The following RAI2 variants were observed in gnomAD, a reference collection of about 807,000 sequenced individuals.
The protein encoded by RAI2 is retinoic acid induced 2.
RAI2 carries 5 observed loss-of-function variants against 15.3 expected under a neutral mutation model. That is an observed-to-expected ratio of 0.33 (90% CI 0.17 to 0.69). The LOEUF (loss-of-function observed/expected upper bound fraction) is 0.69. RAI2 is among the 30% of genes least tolerant of loss of function. The probability of loss-of-function intolerance (pLI) is 0.69; values close to 1 mark genes in which losing one functional copy is unlikely to be tolerated. For synonymous variants in RAI2, 191 were observed against 184.0 expected, an observed-to-expected ratio of 1.04 and a Z score of -0.31; for missense variants, 424 against 424.7, an observed-to-expected ratio of 1.00 and a Z score of 0.01.
intron 1 of RAI2, among the ~76,000 whole-genome samples, chrX:17,829,240 G>C (rs759875883): frequency 2.0e-5 from 2 of 101,255 alleles, no homozygotes; most frequent in Admixed American, 1.1e-4. Flanking sequence ...AGAGTCAAAG[G>C]CATGTGCTGA....
intron 1 of RAI2, among the ~76,000 whole-genome samples, chrX:17,823,282 G>C (rs1158386450): frequency 8.9e-6 from 1 of 112,441 alleles, no homozygotes; most frequent in Non-Finnish European, 1.9e-5. Flanking sequence ...GTAGGGGTTA[G>C]CTATTGTTAT....
chrX:17,800,326 A>T lies in RAI2; in HGVS notation c.*92T>A. On this transcript the variant is annotated 3_prime_UTR_variant, in exon 2 of 2. Coordinates refer to ENST00000451717, the MANE Select transcript of RAI2 (RefSeq NM_021785.6). ...CATTTCCCAACTACTCCCCAAAATA[A>T]TTAACAAAGATAATTTGTTTTAAAT... The T allele has an allele frequency of 9.3e-7, 1 of 1,072,573 alleles. No homozygotes were observed. Among genetic ancestry groups the T allele is most frequent in the Admixed American group, 3.2e-5 (1 of 31,510 alleles). The allele number at this position is 1,072,573 out of a possible 1,213,427, so 88.4% of individuals were successfully genotyped here.
chrX:17,842,746 C>T (rs2067414072), intron 1 of RAI2, among the ~76,000 whole-genome samples: 1 of 109,819 alleles, frequency 9.1e-6, no homozygotes, highest in Non-Finnish European at 1.9e-5. Flanking sequence ...GATATTTATT[C>T]TCTTCTTGCT....
At chrX:17,856,128 AT>A (rs1173527112) in intron 1 of RAI2, among the ~76,000 whole-genome samples, 2 of 112,294 alleles carry the variant, frequency 1.8e-5, no homozygotes, top group Admixed American at 1.9e-4. Context: ...GTTCTCTAGA[AT>A]TACTGAGTTG....
intron 1 of RAI2, among the ~76,000 whole-genome samples, chrX:17,819,970 G>GA (rs1330017598): frequency 8.9e-6 from 1 of 112,252 alleles, no homozygotes; most frequent in Non-Finnish European, 1.9e-5. Context: ...CTTGATTCAA[G>GA]AAAAGAGATA....
chrX:17,859,356 C>A (rs776170485), intron 1 of RAI2, among the ~76,000 whole-genome samples: 2 of 111,997 alleles, frequency 1.8e-5, no homozygotes, highest in African/African-American at 6.5e-5. Flanking sequence ...GCACAGAAAA[C>A]CTTGCCTGAT....
At position 17,800,137 on chromosome X, in the gene RAI2, G is replaced by GC. The variant is rs1385200077; in HGVS notation, c.*280dup. On this transcript the variant is annotated 3_prime_UTR_variant, in exon 2 of 2. Transcript: ENST00000451717. ...AAAGCACTTTGTGGCAATGAAAATA[G>GC]CTTTTTTTACCCCTCTAATTCACCC... The GC allele has an allele frequency of 3.6e-6, 1 of 277,644 alleles. No homozygotes were observed. The highest frequency in any genetic ancestry group is 5.8e-5 in the East Asian group (1 of 17,293). The allele number at this position is 277,644 out of a possible 1,213,427, so 22.9% of individuals were successfully genotyped here. A position where few individuals can be genotyped will look rare whatever the true frequency, so the allele number is the denominator to read the frequency against.
intron 1 of RAI2, 140 bp from the exon 2 acceptor site, chrX:17,802,174 G>C: frequency 1.3e-6 from 1 of 750,348 alleles, no homozygotes; most frequent in Non-Finnish European, 1.9e-6. Context: ...ATATGTTCAG[G>C]TTATAGATAT....
intron 1 of RAI2, among the ~76,000 whole-genome samples, chrX:17,843,540 T>C (rs1197755131): frequency 1.8e-5 from 2 of 112,135 alleles, no homozygotes; most frequent in Non-Finnish European, 1.9e-5. Flanking sequence ...TAAAAGTATT[T>C]TCCATGTTCT....
Position 17,810,605 on chromosome X carries a change from C to T in RAI2, c.-24-8571G>A, listed in dbSNP as rs2067037363. ...TGGTGCCTGCTGGGGAGGAGTCAAACCTAGCCTCCCAGGAGCTGCCGGAGG... is the reference window on the plus strand; with the variant it reads ...TGGTGCCTGCTGGGGAGGAGTCAAATCTAGCCTCCCAGGAGCTGCCGGAGG... On this transcript the variant is annotated intron_variant, in intron 1 of 1. Coordinates refer to ENST00000451717, the MANE Select transcript of RAI2 (RefSeq NM_021785.6). Among the ~76,000 whole-genome samples the T allele has an allele frequency of 2.7e-5, 3 of 112,096 alleles. No homozygotes were observed. The Admixed American group carries it at 2.8e-4, about 11-fold the overall frequency.
In RAI2 at chrX:17,801,836, G is replaced by C. The variant is rs763746221; in HGVS notation, c.175C>G (p.Leu59Val). The change falls in exon 2 of 2, where the codon CTG becomes GTG. Residue 59 changes from leucine (L) to valine (V), a missense_variant. Transcript: ENST00000451717. ...CTCTGAGACTCGGCAGGGGGGTTCA[G>C]AATGGATGGGGCTGGCACGGTCACC... ...ALVTVPAPSI[L>V]NPPAESQSGM... 2 of 1,211,497 alleles carry C rather than the reference G, an allele frequency of 1.7e-6. No homozygotes were observed. The highest frequency in any genetic ancestry group is 2.2e-6 in the Non-Finnish European group (2 of 895,470).
chrX:17,830,044 T>C (rs2067266076), intron 1 of RAI2, among the ~76,000 whole-genome samples: 1 of 112,622 alleles, frequency 8.9e-6, no homozygotes, highest in Non-Finnish European at 1.9e-5. Context: ...ACTCTATCCT[T>C]TCCTTTTGCA....
At chrX:17,832,307 A>G (rs1171054778) in intron 1 of RAI2, among the ~76,000 whole-genome samples, 1 of 111,693 alleles carries the variant, frequency 9.0e-6, no homozygotes, top group East Asian at 2.8e-4. Flanking sequence ...GGGAAGGTTT[A>G]AACAACTGAT....
intron 1 of RAI2, among the ~76,000 whole-genome samples, chrX:17,852,931 GC>G (rs1444200378): frequency 4.5e-5 from 5 of 110,097 alleles, no homozygotes; most frequent in Non-Finnish European, 9.5e-5. Context: ...TGGGTAAAGG[GC>G]TGCTACAATC....
intron 1 of RAI2, among the ~76,000 whole-genome samples, chrX:17,826,908 T>C (rs2067232847): frequency 8.9e-6 from 1 of 112,365 alleles, no homozygotes; most frequent in South Asian, 3.7e-4. Context: ...GAACTGTGAG[T>C]CAATGAAATC....
intron 1 of RAI2, among the ~76,000 whole-genome samples, chrX:17,831,336 T>C (rs1456661440): frequency 8.9e-6 from 1 of 111,971 alleles, no homozygotes; most frequent in Non-Finnish European, 1.9e-5. Context: ...ACAGCTGCCA[T>C]ATATTTCTAG....
At chrX:17,858,913 A>C (rs889367900) in intron 1 of RAI2, among the ~76,000 whole-genome samples, 1 of 110,751 alleles carries the variant, frequency 9.0e-6, no homozygotes, top group Non-Finnish European at 1.9e-5. Flanking sequence ...AGTAGTCACT[A>C]CCCCCAAGTT....
chrX:17,826,630 G>A (rs764960399), intron 1 of RAI2, among the ~76,000 whole-genome samples: 55 of 111,685 alleles, frequency 4.9e-4, no homozygotes, highest in African/African-American at 1.6e-3. Context: ...ATATTGAATA[G>A]TGAATTGATA....
At chrX:17,854,808 A>G (rs915583462) in intron 1 of RAI2, among the ~76,000 whole-genome samples, 3 of 111,735 alleles carry the variant, frequency 2.7e-5, no homozygotes, top group African/African-American at 9.8e-5. Flanking sequence ...GCTCCAGTAA[A>G]CAGTCTGCTT....
Sources: allele counts gnomAD v4.1 joint callset (sites outside exome capture counted in the v4.1 genomes callset), GRCh38; gene constraint gnomAD v4.1.1; transcripts MANE v1.5; gene names NCBI Gene and HGNC (gene_info 2026-07-23, HGNC 2026-07-21).